LHFPL3: variants seen among roughly 807,000 people sequenced by gnomAD.
The protein encoded by LHFPL3 is LHFPL tetraspan subfamily member 3.
Under a neutral mutation model 19.3 loss-of-function variants are expected in LHFPL3, and 5 were observed. That is an observed-to-expected ratio of 0.26 (90% confidence interval 0.14 to 0.54). LHFPL3 has a LOEUF of 0.54. LHFPL3 is among the 20% of genes least tolerant of loss of function. The pLI, the probability that LHFPL3 is intolerant of heterozygous loss-of-function variation, is 0.94. For synonymous variants in LHFPL3, 133 were observed against 126.2 expected (o/e 1.05, Z -0.36); for missense variants, 249 against 307.4 (o/e 0.81, Z 1.42).
chr7:104,857,011 A>G (rs143338843), intron 2 of LHFPL3, among the ~76,000 whole-genome samples: 117 of 152,330 alleles, frequency 7.7e-4, no homozygotes, highest in African/African-American at 2.7e-3. Context: ...ATTTCCTTGC[A>G]TTTTTGTGAT....
chr7:104,544,009 C>T (rs1477183303), intron 1 of LHFPL3, among the ~76,000 whole-genome samples: 4 of 150,420 alleles, frequency 2.7e-5, no homozygotes, highest in Non-Finnish European at 3.0e-5. Context: ...CCTGCATGTT[C>T]TGCACATGTA....
intron 1 of LHFPL3, among the ~76,000 whole-genome samples, chr7:104,594,984 G>A (rs962967951): frequency 5.9e-5 from 9 of 152,250 alleles, no homozygotes; most frequent in Admixed American, 4.6e-4. Context: ...GGGTTCAAAC[G>A]TCCTCTTTTA....
chr7:104,829,382 A>G (rs972788508), intron 2 of LHFPL3, among the ~76,000 whole-genome samples: 1 of 151,710 alleles, frequency 6.6e-6, no homozygotes, highest in Admixed American at 6.6e-5. Context: ...CACAATGTGC[A>G]AATTACTTAC....
At chr7:104,766,634 T>C (rs2116385880) in intron 2 of LHFPL3, among the ~76,000 whole-genome samples, 1 of 152,298 alleles carries the variant, frequency 6.6e-6, no homozygotes, top group Admixed American at 6.5e-5. Context: ...CCTCTTGGGT[T>C]CCTTGGCACA....
intron 1 of LHFPL3, chr7:104,668,417 G>A (rs1242008686): frequency 5.0e-6 from 8 of 1,604,344 alleles, no homozygotes; most frequent in Non-Finnish European, 6.8e-6. Flanking sequence ...TTGGAGACAA[G>A]TATCGAGATC....
At chr7:104,353,265 C>T (rs1189800551) in intron 1 of LHFPL3, among the ~76,000 whole-genome samples, 1 of 152,090 alleles carries the variant, frequency 6.6e-6, no homozygotes, top group East Asian at 1.9e-4. Context: ...ATTAAAACTA[C>T]CTGTGCTTAT....
intron 2 of LHFPL3, among the ~76,000 whole-genome samples, chr7:104,770,143 A>C (rs985399797): frequency 6.6e-6 from 1 of 152,158 alleles, no homozygotes; most frequent in Non-Finnish European, 1.5e-5. Context: ...AATACACTGT[A>C]TCTCTTACAG....
At chr7:104,515,080 G>C (rs1239932690) in intron 1 of LHFPL3, among the ~76,000 whole-genome samples, 2 of 152,158 alleles carry the variant, frequency 1.3e-5, no homozygotes, top group East Asian at 1.9e-4. Context: ...TTTCTCCCCA[G>C]ATGTGGCCTG....
intron 2 of LHFPL3, among the ~76,000 whole-genome samples, chr7:104,874,115 C>G (rs1791888577): frequency 6.6e-6 from 1 of 152,180 alleles, no homozygotes; most frequent in African/African-American, 2.4e-5. Flanking sequence ...AGGTAGCTGG[C>G]AGCTGCTCTA....
At chr7:104,784,040 C>A (rs1405491120) in intron 2 of LHFPL3, among the ~76,000 whole-genome samples, 1 of 152,124 alleles carries the variant, frequency 6.6e-6, no homozygotes, top group Non-Finnish European at 1.5e-5. Flanking sequence ...TAGTGCCAAC[C>A]CAGAGTGCTG....
chr7:104,464,183 C>A (rs1792730643), intron 1 of LHFPL3, among the ~76,000 whole-genome samples: 1 of 152,228 alleles, frequency 6.6e-6, no homozygotes, highest in Non-Finnish European at 1.5e-5. Context: ...CTAAAATAAT[C>A]TTTTTGACTC....
intron 1 of LHFPL3, among the ~76,000 whole-genome samples, chr7:104,430,314 T>G (rs1791934623): frequency 7.0e-6 from 1 of 141,936 alleles, no homozygotes; most frequent in Admixed American, 7.4e-5. Context: ...AAAGCCTGTT[T>G]GTAGCATCTG....
At chr7:104,448,629 A>C (rs1792375085) in intron 1 of LHFPL3, among the ~76,000 whole-genome samples, 1 of 152,214 alleles carries the variant, frequency 6.6e-6, no homozygotes, top group African/African-American at 2.4e-5. Flanking sequence ...ACTATATGAA[A>C]ACTGTACAAT....
At chr7:104,462,928 G>C (rs941499264) in intron 1 of LHFPL3, among the ~76,000 whole-genome samples, 1 of 151,918 alleles carries the variant, frequency 6.6e-6, no homozygotes, top group African/African-American at 2.4e-5. Flanking sequence ...GCTCATTATT[G>C]GTCTGTTTGG....
intron 1 of LHFPL3, among the ~76,000 whole-genome samples, chr7:104,413,623 A>G (rs1365130298): frequency 6.6e-6 from 1 of 152,176 alleles, no homozygotes; most frequent in African/African-American, 2.4e-5. Context: ...GTCCATATTC[A>G]TGACCACCAA....
At chr7:104,727,376 G>C (rs578051982) in intron 1 of LHFPL3, among the ~76,000 whole-genome samples, 4 of 152,040 alleles carry the variant, frequency 2.6e-5, no homozygotes, top group African/African-American at 9.7e-5. Context: ...TGTTTTTGAC[G>C]TTTTCCTCAT....
At chr7:104,890,264 C>T (rs1341158307) in intron 2 of LHFPL3, among the ~76,000 whole-genome samples, 1 of 152,196 alleles carries the variant, frequency 6.6e-6, no homozygotes, top group East Asian at 1.9e-4. Flanking sequence ...GATTGTGCCA[C>T]TTCACTCACC....
At chr7:104,690,918 G>A (rs767128821) in intron 1 of LHFPL3, among the ~76,000 whole-genome samples, 19 of 152,210 alleles carry the variant, frequency 1.2e-4, no homozygotes, top group Non-Finnish European at 2.5e-4. Context: ...AGATCCAATG[G>A]TGCTTGAGGT....
At chr7:104,502,402 T>C (rs1793611780) in intron 1 of LHFPL3, among the ~76,000 whole-genome samples, 1 of 151,336 alleles carries the variant, frequency 6.6e-6, no homozygotes, top group African/African-American at 2.4e-5. Context: ...CTATTATGCT[T>C]ACTACCAAAT....
Sources: allele counts gnomAD v4.1 joint callset (sites outside exome capture counted in the v4.1 genomes callset), GRCh38; gene constraint gnomAD v4.1.1; transcripts MANE v1.5; gene names NCBI Gene and HGNC (gene_info 2026-07-23, HGNC 2026-07-21).